CNOT10: variants seen among roughly 807,000 people sequenced by gnomAD.
CNOT10 encodes CCR4-NOT transcription complex, subunit 10.
A neutral mutation model predicts 94.6 loss-of-function variants in CNOT10; 30 were observed. That is an observed-to-expected ratio of 0.32 (90% CI 0.24 to 0.43). The LOEUF (loss-of-function observed/expected upper bound fraction) is 0.43. CNOT10 is among the 20% of genes least tolerant of loss of function. CNOT10 has a pLI of 1.00. For synonymous variants in CNOT10, 289 were observed against 301.6 expected (o/e 0.96, Z 0.43); for missense variants, 759 against 877.2 (o/e 0.87, Z 1.70).
At chr3:32,761,050 G>C (rs1700421677) in intron 14 of CNOT10, among the ~76,000 whole-genome samples, 1 of 152,072 alleles carries the variant, frequency 6.6e-6, no homozygotes, top group African/African-American at 2.4e-5. Context: ...AATTGCTTGA[G>C]CCTGGGAGGC....
intron 13 of CNOT10, among the ~76,000 whole-genome samples, chr3:32,747,041 C>T (rs1033452234): frequency 6.6e-6 from 1 of 151,964 alleles, no homozygotes; most frequent in Non-Finnish European, 1.5e-5. Flanking sequence ...CACTTGAACC[C>T]GGGAGGCGGA....
chr3:32,743,108 C>T (rs1278763185), intron 13 of CNOT10, among the ~76,000 whole-genome samples: 1 of 151,540 alleles, frequency 6.6e-6, no homozygotes, highest in African/African-American at 2.4e-5. Context: ...GCCTCAGCCT[C>T]CCAAGTAGCT....
intron 8 of CNOT10, among the ~76,000 whole-genome samples, chr3:32,721,894 C>T (rs920577881): frequency 8.6e-5 from 13 of 151,988 alleles, no homozygotes; most frequent in Non-Finnish European, 1.6e-4. Flanking sequence ...CCTCGTGATC[C>T]GCCCGCCTCG....
intron 1 of CNOT10, among the ~76,000 whole-genome samples, chr3:32,697,344 G>A (rs1027095242): frequency 5.9e-5 from 9 of 152,076 alleles, no homozygotes; most frequent in Admixed American, 1.3e-4. Flanking sequence ...TCAACACCTG[G>A]GTGAGTTGTT....
At chr3:32,744,544 GATA>G (rs1699612941) in intron 13 of CNOT10, among the ~76,000 whole-genome samples, 1 of 152,214 alleles carries the variant, frequency 6.6e-6, no homozygotes, top group Admixed American at 6.5e-5. Context: ...TTAGAAGGCA[GATA>G]ATAATTAAAG....
At chr3:32,692,202 A>G (rs1040854844) in intron 1 of CNOT10, among the ~76,000 whole-genome samples, 5 of 152,170 alleles carry the variant, frequency 3.3e-5, no homozygotes, top group Admixed American at 6.6e-5. Context: ...TCTCTACAAA[A>G]AATACAGAAA....
At chr3:32,755,757 C>CTTTTTTTTTTTT (rs66705516) in intron 13 of CNOT10, among the ~76,000 whole-genome samples, 6 of 141,242 alleles carry the variant, frequency 4.2e-5, no homozygotes, top group Non-Finnish European at 6.1e-5. Flanking sequence ...TTTTCCTTTC[C>CTTTTTTTTTTTT]TTTTTTTTTT....
chr3:32,692,317 A>AG (rs1559474281), intron 1 of CNOT10, among the ~76,000 whole-genome samples: 3 of 152,120 alleles, frequency 2.0e-5, no homozygotes, highest in Admixed American at 2.0e-4. Flanking sequence ...GCTGGTCTCA[A>AG]ACTCTTGGGC....
At chr3:32,727,922 C>T in intron 10 of CNOT10, 52 bp downstream of exon 10, 1 of 1,145,200 alleles carries the variant, frequency 8.7e-7, no homozygotes. Flanking sequence ...CCACTTACTA[C>T]ATGGAATGGT....
At chr3:32,724,259 T>TA (rs1273986143) in intron 8 of CNOT10, among the ~76,000 whole-genome samples, 1 of 150,602 alleles carries the variant, frequency 6.6e-6, no homozygotes, top group African/African-American at 2.4e-5. Flanking sequence ...TTTTTTTTTT[T>TA]TTCTTTGAGA....
intron 13 of CNOT10, among the ~76,000 whole-genome samples, chr3:32,747,501 T>A (rs1347972785): frequency 6.6e-6 from 1 of 152,150 alleles, no homozygotes; most frequent in Non-Finnish European, 1.5e-5. Flanking sequence ...AACGTGTCTG[T>A]TAGAAAAATT....
chr3:32,744,780 T>C (rs546439467), intron 13 of CNOT10, among the ~76,000 whole-genome samples: 12 of 152,194 alleles, frequency 7.9e-5, no homozygotes, highest in Non-Finnish European at 1.8e-4. Flanking sequence ...CCCCAACAGA[T>C]ACCACAATCC....
At chr3:32,754,891 C>T (rs1700153332) in intron 13 of CNOT10, among the ~76,000 whole-genome samples, 1 of 146,490 alleles carries the variant, frequency 6.8e-6, no homozygotes. Flanking sequence ...TCTCCAAGGA[C>T]CATTACAAAA....
chr3:32,736,748 G>T (rs765758049), intron 12 of CNOT10, among the ~76,000 whole-genome samples: 1 of 152,050 alleles, frequency 6.6e-6, no homozygotes, highest in Admixed American at 6.6e-5. Flanking sequence ...CTGCACTCCA[G>T]CCTGGGCAAC....
intron 10 of CNOT10, chr3:32,730,904 C>CT (rs1490679305): frequency 1.3e-5 from 2 of 152,164 alleles, no homozygotes; most frequent in Non-Finnish European, 2.9e-5. Flanking sequence ...TACCTTAAAA[C>CT]TTATCTGGCA....
At chr3:32,718,541 G>A (rs1329655395) in intron 7 of CNOT10, among the ~76,000 whole-genome samples, 1 of 121,772 alleles carries the variant, frequency 8.2e-6, no homozygotes, top group African/African-American at 3.2e-5. Context: ...CCGAGACCGC[G>A]CCACTGCACT....
intron 10 of CNOT10, among the ~76,000 whole-genome samples, chr3:32,728,392 G>A (rs564399230): frequency 7.9e-5 from 12 of 152,168 alleles, no homozygotes; most frequent in African/African-American, 1.4e-4. Flanking sequence ...AGGCTGAGGC[G>A]GGTGGATCAC....
chr3:32,738,067 C>T (rs887225419), intron 13 of CNOT10, among the ~76,000 whole-genome samples: 3 of 152,040 alleles, frequency 2.0e-5, no homozygotes, highest in Admixed American at 2.0e-4. Flanking sequence ...TTATGCTGAC[C>T]ATATAAATGA....
intron 17 of CNOT10, among the ~76,000 whole-genome samples, chr3:32,768,665 A>C (rs1408774295): frequency 2.0e-5 from 3 of 152,180 alleles, no homozygotes. Flanking sequence ...GATATATAAA[A>C]TCTCATTTTC....
Sources: allele counts gnomAD v4.1 joint callset (sites outside exome capture counted in the v4.1 genomes callset), GRCh38; gene constraint gnomAD v4.1.1; transcripts MANE v1.5; gene names NCBI Gene and HGNC (gene_info 2026-07-23, HGNC 2026-07-21).